TRPA1: variants seen among roughly 807,000 people sequenced by gnomAD.
TRPA1 encodes ankyrin-like with transmembrane domains 1.
TRPA1 carries 129 observed loss-of-function variants against 131.3 expected under a neutral mutation model. The observed-to-expected ratio is 0.98, with a 90% CI of 0.85 to 1.14. TRPA1 has a LOEUF of 1.14. TRPA1 is among the 50% of genes most tolerant of loss of function. The pLI, the probability that TRPA1 is intolerant of heterozygous loss-of-function variation, is 0.00. For missense variants in TRPA1, 1,304 were observed against 1,354.2 expected (o/e 0.96, Z 0.58); for synonymous variants, 441 against 451.7 (o/e 0.98, Z 0.30).
At chr8:72,032,952 C>T (rs1325432161) in intron 23 of TRPA1, among the ~76,000 whole-genome samples, 1 of 152,186 alleles carries the variant, frequency 6.6e-6, no homozygotes. Context: ...AATAAGGGCT[C>T]CCCATGGACC....
chr8:72,049,519 T>C (rs73312064), intron 15 of TRPA1, among the ~76,000 whole-genome samples: 176 of 152,308 alleles, frequency 1.2e-3, no homozygotes, highest in African/African-American at 3.7e-3. Context: ...TCTGAAGTCA[T>C]TCTGCCTTTC....
intron 8 of TRPA1, 143 bp from the exon 9 acceptor site, chr8:72,057,959 A>C (rs1433117609): frequency 1.5e-6 from 1 of 656,912 alleles, no homozygotes; most frequent in Non-Finnish European, 2.6e-6. Flanking sequence ...TTATAGAATT[A>C]TTTGAAAGTT....
At position 72,064,649 on chromosome 8, in the gene TRPA1, G is replaced by A. The variant is rs185134764; in HGVS notation, c.552+802C>T. On this transcript the variant is annotated intron_variant, in intron 4 of 26. Transcript: ENST00000262209. The stretch of plus-strand genomic sequence containing the variant: ...ATTTGTATGGCACATTTAAACATTA[G>A]GTAAATATTTTTAAATTATTTAATT... 1.1e-3 allele frequency among the ~76,000 whole-genome samples: 174 copies of A among 151,900 alleles called. 2 individuals carry two copies. Among genetic ancestry groups the A allele is most frequent in the East Asian group, 7.7e-4 (4 of 5,178 alleles).
chr8:72,057,960 T>C, intron 8 of TRPA1, 144 bp from the exon 9 acceptor site: 2 of 654,818 alleles, frequency 3.1e-6, no homozygotes, highest in East Asian at 5.5e-5. Context: ...TATAGAATTA[T>C]TTGAAAGTTT....
intron 17 of TRPA1, 36 bp downstream of exon 17, chr8:72,046,477 A>G: frequency 7.8e-7 from 1 of 1,285,040 alleles, no homozygotes; most frequent in East Asian, 2.3e-5. Flanking sequence ...AAAGAAAAAA[A>G]AGAAACTATT....
chr8:72,029,874 T>C (rs1412196100), intron 24 of TRPA1, 27 bp downstream of exon 24: 2 of 1,609,034 alleles, frequency 1.2e-6, no homozygotes, highest in South Asian at 2.2e-5. Context: ...GATAACACTG[T>C]AATAAGTGGG....
chr8:72,063,453 C>T lies in TRPA1; in HGVS notation c.661+10G>A, dbSNP rs752196500. ...TTTATAGTATATAACATAGAAAAGC[C>T]TCAACTCACCAAACCTTAGTATTAT... On this transcript the variant is annotated intron_variant, in intron 5 of 26. Coordinates refer to ENST00000262209, the MANE Select transcript of TRPA1 (RefSeq NM_007332.3). 7.6e-6 allele frequency: 12 copies of T among 1,586,468 alleles called. No individual in the cohort carries two copies. The highest frequency in any genetic ancestry group is 9.5e-6 in the Non-Finnish European group (11 of 1,155,388).
chr8:72,064,759 T>G (rs1805890688), intron 4 of TRPA1, among the ~76,000 whole-genome samples: 1 of 151,968 alleles, frequency 6.6e-6, no homozygotes, highest in South Asian at 2.1e-4. Flanking sequence ...TACAAGTAAC[T>G]AACGAATATT....
the TRPA1 span, among the ~76,000 whole-genome samples, chr8:72,084,476 AT>A: frequency 7.8e-4 from 113 of 143,980 alleles, no homozygotes; most frequent in East Asian, 0.02. Context: ...TAGCAGTCCT[AT>A]TTTCTATTTT....
In TRPA1 at chr8:72,023,928, A is replaced by G. The variant is rs374477819; in HGVS notation, c.3052-17T>C. 26 of 1,494,022 alleles carry G rather than the reference A, an allele frequency of 1.7e-5. No individual in the cohort carries two copies. The African/African-American group carries it at 3.6e-4, about 21-fold the overall frequency. 92.5% of individuals were successfully genotyped at this position (1,494,022 alleles called of 1,614,324 possible). The stretch of plus-strand genomic sequence containing the variant: ...GAATATATGCTGTCGGATAAAAAAT[A>G]GTAGTTACTCAAATTGAATTCAATT... On this transcript the variant is annotated splice_polypyrimidine_tract_variant and intron_variant, in intron 25 of 26. Transcript: ENST00000262209.
At chr8:72,024,195 T>C (rs1413485045) in intron 25 of TRPA1, among the ~76,000 whole-genome samples, 3 of 152,218 alleles carry the variant, frequency 2.0e-5, no homozygotes, top group Non-Finnish European at 4.4e-5. Context: ...TTGTTCTATA[T>C]ATTTTCATGA....
chr8:72,033,414 G>A (rs1247354549), intron 23 of TRPA1, among the ~76,000 whole-genome samples: 4 of 152,132 alleles, frequency 2.6e-5, no homozygotes, highest in African/African-American at 9.7e-5. Flanking sequence ...ACAGTTGCTG[G>A]CATTTGGTAG....
chr8:72,033,461 G>A (rs202206893), intron 23 of TRPA1, among the ~76,000 whole-genome samples, 183 bp downstream of exon 23: 33 of 152,248 alleles, frequency 2.2e-4, no homozygotes, highest in East Asian at 1.2e-3. Flanking sequence ...ATCTTTGCAC[G>A]CCCTGAGCCT....
intron 18 of TRPA1, among the ~76,000 whole-genome samples, chr8:72,039,452 C>T (rs1047908968): frequency 1.3e-5 from 2 of 151,966 alleles, no homozygotes; most frequent in South Asian, 4.2e-4. Flanking sequence ...TAATAATTCC[C>T]TCCCACCCTG....
chr8:72,088,215 G>T, the TRPA1 span, among the ~76,000 whole-genome samples: 4 of 152,064 alleles, frequency 2.6e-5, no homozygotes, highest in African/African-American at 9.7e-5. Context: ...GCATTCTTTT[G>T]CCTATGTTTA....
the TRPA1 span, among the ~76,000 whole-genome samples, chr8:72,087,543 C>A: frequency 6.6e-6 from 1 of 151,546 alleles, no homozygotes; most frequent in Non-Finnish European, 1.5e-5. Context: ...CACATTTTTT[C>A]TTTGTCCTTT....
chr8:72,031,080 A>G (rs949768598), intron 23 of TRPA1, among the ~76,000 whole-genome samples: 2 of 152,208 alleles, frequency 1.3e-5, no homozygotes, highest in Non-Finnish European at 2.9e-5. Flanking sequence ...AGTGCTTAGT[A>G]TAGAGCAGGG....
chr8:72,079,042 A>G (rs1252308766), upstream of TRPA1, among the ~76,000 whole-genome samples: 1 of 151,880 alleles, frequency 6.6e-6, no homozygotes, highest in Non-Finnish European at 1.5e-5. Flanking sequence ...TCACTCATAT[A>G]TTTTCTTGAT....
Position 72,065,487 on chromosome 8 carries a change from C to A in TRPA1, c.516G>T (p.Ala172=). The A allele has an allele frequency of 6.2e-7, 1 of 1,613,388 alleles. No homozygotes were observed. Among genetic ancestry groups the A allele is most frequent in the Non-Finnish European group, 8.5e-7 (1 of 1,179,668 alleles). The part of the protein sequence containing the change: ...GENGNTAVII[A]CTTNNSEALQ... ...ATGCTTCGCTATTATTTGTGGTGCACGCAATGATCACAGCTGTGTTTCCAT... is the reference window on the plus strand; with the variant it reads ...ATGCTTCGCTATTATTTGTGGTGCAAGCAATGATCACAGCTGTGTTTCCAT... Residue 172 remains alanine (A), a synonymous_variant, in exon 4 of 27, where the codon GCG becomes GCT. Transcript: ENST00000262209.
Sources: gnomAD v4.1 joint callset for allele counts (sites outside exome capture counted in the v4.1 genomes callset) on GRCh38, gnomAD v4.1.1 for gene constraint, MANE v1.5 for transcripts, NCBI Gene and HGNC (gene_info 2026-07-23, HGNC 2026-07-21) for gene names.